Variants in MGAT4C observed in about 807,000 individuals in gnomAD.
MGAT4C encodes alpha-1,3-mannosyl-glycoprotein 4-beta-N-acetylglucosaminyltransferase C.
MGAT4C carries 19 observed loss-of-function variants against 40.1 expected under a neutral mutation model. That is an observed-to-expected ratio of 0.47 (90% confidence interval 0.33 to 0.70). The LOEUF is 0.70. Among genes scored for constraint, MGAT4C ranks in the 30% least tolerant of loss-of-function variants. The pLI, the probability that MGAT4C is intolerant of heterozygous loss-of-function variation, is 0.02. For missense variants in MGAT4C, 491 were observed against 563.2 expected (o/e 0.87, Z 1.30); for synonymous variants, 181 against 187.1 (o/e 0.97, Z 0.27).
At chr12:86,655,562 G>A (rs1963826427) in intron 2 of MGAT4C, among the ~76,000 whole-genome samples, 2 of 151,772 alleles carry the variant, frequency 1.3e-5, no homozygotes, top group African/African-American at 2.4e-5. Context: ...CATATTCAAT[G>A]AAAAAAAATT....
chr12:86,594,532 T>C (rs1027442869), intron 2 of MGAT4C, among the ~76,000 whole-genome samples: 2 of 152,208 alleles, frequency 1.3e-5, no homozygotes, highest in African/African-American at 4.8e-5. Context: ...ATACATTATG[T>C]TTTTATATTA....
chr12:86,627,824 G>C (rs375067324), intron 2 of MGAT4C, among the ~76,000 whole-genome samples: 4 of 152,152 alleles, frequency 2.6e-5, no homozygotes, highest in African/African-American at 9.6e-5. Flanking sequence ...CTAAAAACCA[G>C]AGTGCGCCTT....
chr12:86,613,800 A>G (rs1240087982), intron 2 of MGAT4C, among the ~76,000 whole-genome samples: 1 of 152,170 alleles, frequency 6.6e-6, no homozygotes, highest in Non-Finnish European at 1.5e-5. Context: ...GAACACAGAA[A>G]GTAAGATTAC....
At chr12:86,484,684 C>T (rs531361870) in intron 2 of MGAT4C, among the ~76,000 whole-genome samples, 1 of 152,166 alleles carries the variant, frequency 6.6e-6, no homozygotes, top group African/African-American at 2.4e-5. Context: ...TGGGCTGTGG[C>T]TCCAATCACA....
At chr12:86,759,078 T>A (rs1304409100) in intron 1 of MGAT4C, among the ~76,000 whole-genome samples, 2 of 152,076 alleles carry the variant, frequency 1.3e-5, no homozygotes, top group Non-Finnish European at 2.9e-5. Context: ...ACCACTGTTA[T>A]TTTGCCTACT....
intron 1 of MGAT4C, among the ~76,000 whole-genome samples, chr12:86,083,082 C>G (rs149540958): frequency 2.1e-3 from 319 of 152,164 alleles, no homozygotes; most frequent in African/African-American, 7.3e-3. Flanking sequence ...GTGTCATTAC[C>G]TACCTGTCAT....
intron 1 of MGAT4C, among the ~76,000 whole-genome samples, chr12:86,795,009 A>G (rs1952088355): frequency 6.6e-6 from 1 of 151,964 alleles, no homozygotes; most frequent in Admixed American, 6.6e-5. Flanking sequence ...AATCATAGAA[A>G]TATATTTAAA....
intron 1 of MGAT4C, among the ~76,000 whole-genome samples, chr12:86,059,895 A>G (rs1402040420): frequency 1.0e-5 from 1 of 96,036 alleles, no homozygotes; most frequent in Admixed American, 9.0e-5. Flanking sequence ...AAGTCAGCAC[A>G]CTGAAACTAA....
intron 2 of MGAT4C, among the ~76,000 whole-genome samples, chr12:86,476,223 G>A (rs759859728): frequency 1.3e-5 from 2 of 151,970 alleles, no homozygotes; most frequent in African/African-American, 4.8e-5. Flanking sequence ...AATCTATAAG[G>A]AGCTTAAACA....
intron 1 of MGAT4C, among the ~76,000 whole-genome samples, chr12:86,104,120 G>A (rs1875660944): frequency 6.6e-6 from 1 of 151,892 alleles, no homozygotes. Context: ...TCCAAAGTTG[G>A]AAATTGGGAT....
At chr12:86,040,943 G>A (rs865889755) in intron 2 of MGAT4C, among the ~76,000 whole-genome samples, 3 of 152,054 alleles carry the variant, frequency 2.0e-5, no homozygotes, top group Non-Finnish European at 2.9e-5. Context: ...GGAGTTCCCC[G>A]AGCCCTTGTG....
chr12:86,068,345 G>A (rs1458400805), intron 1 of MGAT4C: 1 of 151,890 alleles, frequency 6.6e-6, no homozygotes, highest in Non-Finnish European at 1.5e-5. Context: ...AGCAAGTTTT[G>A]TCATCATCAT....
chr12:86,564,770 T>C (rs1311030293), intron 2 of MGAT4C, among the ~76,000 whole-genome samples: 2 of 152,162 alleles, frequency 1.3e-5, no homozygotes, highest in African/African-American at 4.8e-5. Flanking sequence ...TTTGTGTGTG[T>C]TATTCTGGCC....
intron 2 of MGAT4C, among the ~76,000 whole-genome samples, chr12:86,509,119 A>T (rs1279320849): frequency 2.0e-5 from 3 of 152,200 alleles, no homozygotes; most frequent in African/African-American, 7.2e-5. Context: ...GGTGTTTTAG[A>T]CATGAAGTCC....
At chr12:86,359,636 T>C (rs1188975248) in intron 3 of MGAT4C, among the ~76,000 whole-genome samples, 3 of 151,828 alleles carry the variant, frequency 2.0e-5, no homozygotes, top group African/African-American at 7.3e-5. Flanking sequence ...CAATAAAAAA[T>C]GATAAAGGGG....
At chr12:86,486,375 TGCAC>T (rs1377750374) in intron 2 of MGAT4C, among the ~76,000 whole-genome samples, 12 of 73,834 alleles carry the variant, frequency 1.6e-4, no homozygotes, top group African/African-American at 5.6e-4. Flanking sequence ...AGATCTATCA[TGCAC>T]ACACACACAC....
At chr12:86,488,109 C>G (rs1021693075) in intron 2 of MGAT4C, among the ~76,000 whole-genome samples, 39 of 151,978 alleles carry the variant, frequency 2.6e-4, no homozygotes, top group Admixed American at 7.2e-4. Context: ...ATTGGCTGGG[C>G]ATAGTGGCTC....
At chr12:86,511,762 T>G (rs182626462) in intron 2 of MGAT4C, among the ~76,000 whole-genome samples, 1 of 152,188 alleles carries the variant, frequency 6.6e-6, no homozygotes, top group African/African-American at 2.4e-5. Context: ...ATGGATTAGA[T>G]GTAAATAAAG....
At position 86,307,848 on chromosome 12, in the gene MGAT4C, G is replaced by A. The variant is rs969857324; in HGVS notation, c.-57+26217C>T. On this transcript the variant is annotated intron_variant, in intron 4 of 7. Coordinates refer to the MGAT4C transcript ENST00000548651. Reference sequence around the variant, plus strand: ...CTCCAGAGCTGCTGGGACTACAGGCGCCCGCCACTACGTCCGGCTAAATTT... The same window carrying A: ...CTCCAGAGCTGCTGGGACTACAGGCACCCGCCACTACGTCCGGCTAAATTT... 2.9e-4 allele frequency among the ~76,000 whole-genome samples: 43 copies of A among 149,288 alleles called. 3 individuals are homozygous for A. The highest frequency in any genetic ancestry group is 1.1e-3 in the African/African-American group (43 of 39,516).
Sources: gnomAD v4.1 joint callset for allele counts (sites outside exome capture counted in the v4.1 genomes callset) on GRCh38, gnomAD v4.1.1 for gene constraint, MANE v1.5 for transcripts, NCBI Gene and HGNC (gene_info 2026-07-23, HGNC 2026-07-21) for gene names.